The following SH3PXD2B variants were observed in gnomAD, a reference collection of about 807,000 sequenced individuals.
SH3PXD2B encodes SH3 and PX domain-containing protein 2B.
Under a neutral mutation model 73.1 loss-of-function variants are expected in SH3PXD2B, and 37 were observed. The observed-to-expected ratio is 0.51, with a 90% confidence interval of 0.39 to 0.67. The LOEUF (loss-of-function observed/expected upper bound fraction) is 0.67. Ranked by LOEUF, SH3PXD2B falls within the 30% of genes least tolerant of loss-of-function variation. SH3PXD2B has a pLI of 0.00. For synonymous variants in SH3PXD2B, 457 were observed against 480.5 expected, an observed-to-expected ratio of 0.95 and a Z score of 0.64; for missense variants, 1,053 against 1,197.8, an observed-to-expected ratio of 0.88 and a Z score of 1.78.
Position 172,353,806 on chromosome 5 carries a change from G to T in SH3PXD2B, c.785+82C>A. ...GATGCAATCACTTACCGACCTCTGT[G>T]AGGCCAGAGTCCCTGTGACCCCAAA... On this transcript the variant is annotated intron_variant, in intron 9 of 12. Coordinates refer to ENST00000311601, the MANE Select transcript of SH3PXD2B (RefSeq NM_001017995.3). This position sits in a 1 kb window ranked among gnomAD's most constrained non-coding sequence, Gnocchi z 4.3. 9.4e-7 allele frequency: 1 copy of T among 1,061,116 alleles called. No homozygotes were observed. Among genetic ancestry groups the T allele is most frequent in the Non-Finnish European group, 1.5e-6 (1 of 677,366 alleles). 65.7% of individuals were successfully genotyped at this position (1,061,116 alleles called of 1,614,324 possible).
intron 12 of SH3PXD2B, among the ~76,000 whole-genome samples, chr5:172,328,327 AAC>A (rs1756484646): frequency 6.6e-6 from 1 of 151,568 alleles, no homozygotes; most frequent in African/African-American, 2.4e-5. Context: ...GCTGGTCTCG[AAC>A]TCCTGACCTC....
intron 1 of SH3PXD2B, among the ~76,000 whole-genome samples, chr5:172,439,686 G>GCACACA: frequency 1.1e-5 from 1 of 87,118 alleles, no homozygotes; most frequent in African/African-American, 4.8e-5. Context: ...GTGCGCGCAC[G>GCACACA]CGCGCGCACA....
chr5:172,363,978 G>A lies in SH3PXD2B; in HGVS notation c.428-1109C>T, dbSNP rs868179586. 1.5e-4 allele frequency among the ~76,000 whole-genome samples: 23 copies of A among 152,324 alleles called. No individual in the cohort carries two copies. In the Middle Eastern group the frequency reaches 0.017, roughly 113 times the overall value. ...GTAGACATGAAGATGTCAAGGAAGA[G>A]GCGAAGGTGGCCTGAACCAGGGCAG... On this transcript the variant is annotated intron_variant, in intron 6 of 12. Coordinates refer to ENST00000311601, the MANE Select transcript of SH3PXD2B (RefSeq NM_001017995.3).
At chr5:172,373,046 C>T (rs1311772921) in intron 6 of SH3PXD2B, among the ~76,000 whole-genome samples, 1 of 152,198 alleles carries the variant, frequency 6.6e-6, no homozygotes, top group East Asian at 1.9e-4. Flanking sequence ...TCCATAATTG[C>T]TTCTGAGAGA....
At chr5:172,412,658 A>G (rs10062425) in intron 2 of SH3PXD2B, among the ~76,000 whole-genome samples, 74,466 of 151,978 alleles carry the variant, frequency 0.49, 19,457 homozygotes, top group East Asian at 0.7. Context: ...CACCAATTGC[A>G]TCTATGCAGA....
chr5:172,348,683 CTATCTAT>C (rs1489785835), intron 10 of SH3PXD2B, among the ~76,000 whole-genome samples: 3 of 43,126 alleles, frequency 7.0e-5, no homozygotes, highest in Admixed American at 2.8e-4. Flanking sequence ...ATCTATCTAT[CTATCTAT>C]CTATCTATCT....
intron 1 of SH3PXD2B, among the ~76,000 whole-genome samples, chr5:172,425,595 C>T (rs1238686153): frequency 6.6e-6 from 1 of 151,876 alleles, no homozygotes; most frequent in East Asian, 1.9e-4. Context: ...AGTATGACAG[C>T]TGACAGTGCT....
chr5:172,415,412 T>C (rs74813684), intron 2 of SH3PXD2B, among the ~76,000 whole-genome samples: 2,803 of 152,226 alleles, frequency 0.018, 40 homozygotes, highest in Non-Finnish European at 0.028. Context: ...AATAGGCAGA[T>C]TGAAAGGCAA....
chr5:172,434,853 G>A (rs1240558948), intron 1 of SH3PXD2B, among the ~76,000 whole-genome samples: 2 of 150,028 alleles, frequency 1.3e-5, no homozygotes, highest in African/African-American at 5.0e-5. Flanking sequence ...GCACGATCTC[G>A]GCTCATTGCA....
intron 3 of SH3PXD2B, among the ~76,000 whole-genome samples, chr5:172,397,936 G>C (rs1443111306): frequency 6.6e-6 from 1 of 152,210 alleles, no homozygotes; most frequent in Non-Finnish European, 1.5e-5. Context: ...ATCCTTTTTA[G>C]TGGCGGCCGC....
intron 4 of SH3PXD2B, among the ~76,000 whole-genome samples, chr5:172,394,037 A>G (rs1005705111): frequency 6.6e-6 from 1 of 151,990 alleles, no homozygotes; most frequent in African/African-American, 2.4e-5. Context: ...TCCACCTCCC[A>G]GGTTCAAGCG....
intron 8 of SH3PXD2B, among the ~76,000 whole-genome samples, chr5:172,354,621 T>C (rs900090888): frequency 6.6e-6 from 1 of 152,154 alleles, no homozygotes; most frequent in Non-Finnish European, 1.5e-5. Context: ...CTCTTGCAGG[T>C]GGAGAGTTCA....
chr5:172,427,548 T>C (rs1234125270), intron 1 of SH3PXD2B, among the ~76,000 whole-genome samples: 1 of 152,046 alleles, frequency 6.6e-6, no homozygotes, highest in Non-Finnish European at 1.5e-5. Context: ...GACAGGGTCT[T>C]GCTTTGTTGC....
chr5:172,374,870 A>G (rs1757789514), intron 5 of SH3PXD2B, among the ~76,000 whole-genome samples: 1 of 152,172 alleles, frequency 6.6e-6, no homozygotes, highest in African/African-American at 2.4e-5. Flanking sequence ...CCTGCTAGGC[A>G]TTTGTAGTTC....
chr5:172,380,220 G>A (rs1220998352), intron 5 of SH3PXD2B, among the ~76,000 whole-genome samples: 1 of 120,538 alleles, frequency 8.3e-6, no homozygotes, highest in Non-Finnish European at 1.7e-5. Context: ...ACTATGCCCG[G>A]CTAATTTTTT....
chr5:172,368,496 T>TTA (rs370892557), intron 6 of SH3PXD2B, among the ~76,000 whole-genome samples: 140 of 5,824 alleles, frequency 0.024, 29 homozygotes, highest in East Asian at 0.05. Context: ...TATATATATA[T>TTA]TATATATATA....
At position 172,336,759 on chromosome 5, in the gene SH3PXD2B, C is replaced by G. The variant is rs1481599787; in HGVS notation, c.*1610G>C. On this transcript the variant is annotated 3_prime_UTR_variant, in exon 13 of 13. Transcript: ENST00000311601. ...TCGGGTAGAATGGGAAGGGGTTCTG[C>G]TCTGCTCTCTTACTCTGGGCTGGGA... 7 of 985,716 alleles carry G rather than the reference C, an allele frequency of 7.1e-6. No individual in the cohort carries two copies. The highest frequency in any genetic ancestry group is 7.2e-6 in the Non-Finnish European group (6 of 830,212). 61.1% of individuals were successfully genotyped at this position (985,716 alleles called of 1,614,324 possible).
At chr5:172,374,826 T>C (rs1757788522) in intron 5 of SH3PXD2B, among the ~76,000 whole-genome samples, 1 of 152,202 alleles carries the variant, frequency 6.6e-6, no homozygotes, top group Non-Finnish European at 1.5e-5. Context: ...CATTAGCTAA[T>C]ATTATTAAAT....
chr5:172,372,577 T>G (rs1423706775), intron 6 of SH3PXD2B, among the ~76,000 whole-genome samples: 1 of 151,560 alleles, frequency 6.6e-6, no homozygotes, highest in Non-Finnish European at 1.5e-5. Context: ...GGGGCACCCA[T>G]GTATTTTAAG....
Sources: gnomAD v4.1 joint callset for allele counts (sites outside exome capture counted in the v4.1 genomes callset) on GRCh38, gnomAD v4.1.1 for gene constraint, Gnocchi (gnomAD v3.1) non-coding constraint, MANE v1.5 for transcripts, NCBI Gene and HGNC (gene_info 2026-07-23, HGNC 2026-07-21) for gene names.